The following MST1R variants were observed in gnomAD, a reference collection of about 807,000 sequenced individuals.
MST1R encodes the protein macrophage stimulating 1 receptor.
Under a neutral mutation model 117.8 loss-of-function variants are expected in MST1R, and 99 were observed. The ratio of observed to expected loss-of-function variants is 0.84; its 90% confidence interval spans 0.71 to 0.99. The LOEUF (loss-of-function observed/expected upper bound fraction) is 0.99. Ranked by LOEUF, MST1R falls within the 50% of genes least tolerant of loss-of-function variation. The probability of loss-of-function intolerance (pLI) is 0.00; values close to 1 mark genes in which losing one functional copy is unlikely to be tolerated. For missense variants in MST1R, 1,683 were observed against 1,840.2 expected, an observed-to-expected ratio of 0.91 and a Z score of 1.56; for synonymous variants, 734 against 765.3, an observed-to-expected ratio of 0.96 and a Z score of 0.68.
intron 19 of MST1R, among the ~76,000 whole-genome samples, chr3:49,888,543 A>G (rs2082228207): frequency 6.6e-6 from 1 of 151,510 alleles, no homozygotes; most frequent in Non-Finnish European, 1.5e-5. Context: ...CAGAGGTTGC[A>G]GTGAGCCAAC....
Position 49,903,800 on chromosome 3 carries a change from C to T in MST1R, c.-191G>A, listed in dbSNP as rs950923221. On this transcript the variant is annotated 5_prime_UTR_variant, in exon 1 of 20. Coordinates refer to ENST00000296474, the MANE Select transcript of MST1R (RefSeq NM_002447.4). ...TCCCTTCCCGGCCCTCGGGTCTGAG[C>T]ACCTGACGCCTGCGGACGCACGACA... 14 of 713,510 alleles carry T rather than the reference C, an allele frequency of 2.0e-5. No individual in the cohort carries two copies. The East Asian group carries it at 2.6e-4, about 13-fold the overall frequency. 44.2% of individuals were successfully genotyped at this position (713,510 alleles called of 1,614,324 possible). A position where few individuals can be genotyped will look rare whatever the true frequency, so the allele number is the denominator to read the frequency against.
At position 49,897,624 on chromosome 3, in the gene MST1R, G is replaced by C; in HGVS notation, c.1942C>G (p.Gln648Glu). ...FECELEPLGT[Q>E]AVGPTNVSLT... ...CTGACGTTGGTAGGCCCCACTGCCT[G>C]GGTGCCCAAGGGCTCCAGTTCACAC... Residue 648 changes from glutamine to glutamate, a missense_variant, in exon 6 of 20, where the codon CAG becomes GAG. Coordinates refer to ENST00000296474, the MANE Select transcript of MST1R (RefSeq NM_002447.4). 2.5e-6 allele frequency: 4 copies of C among 1,614,152 alleles called. No homozygotes were observed. The East Asian group carries it at 8.9e-5, about 36-fold the overall frequency.
chr3:49,892,399 C>T (rs932270749), intron 14 of MST1R, among the ~76,000 whole-genome samples: 2 of 151,808 alleles, frequency 1.3e-5, no homozygotes, highest in African/African-American at 4.8e-5. Context: ...GGTGAAACCC[C>T]ATCTCTAGTC....
At chr3:49,890,210 T>G (rs1437132271) in intron 18 of MST1R, 150 bp from the exon 19 acceptor site, 1 of 1,079,892 alleles carries the variant, frequency 9.3e-7, no homozygotes, top group Non-Finnish European at 1.3e-6. Flanking sequence ...ATCACCTGTG[T>G]CTTTCCTCTG....
chr3:49,898,673 T>G lies in MST1R; in HGVS notation c.1564A>C (p.Ile522Leu), dbSNP rs761331828. The change falls in exon 4 of 20, where the codon ATC becomes CTC. Residue 522 changes from isoleucine to leucine, a missense_variant. Coordinates refer to ENST00000296474, the MANE Select transcript of MST1R (RefSeq NM_002447.4). ...ASGDQVFQVP[I>L]QGPGCRHFLT... The stretch of plus-strand genomic sequence containing the variant: ...AAGTGGCGGCAGCCAGGGCCTTGGA[T>G]AGGTACCTGGAAAACCTGTGGGTGA... 5 of 1,613,954 alleles carry G rather than the reference T, an allele frequency of 3.1e-6. No homozygotes were observed. In the African/African-American group the frequency reaches 4.0e-5, roughly 13 times the overall value.
intron 7 of MST1R, 47 bp downstream of exon 7, chr3:49,897,233 C>G: frequency 6.4e-7 from 1 of 1,554,400 alleles, no homozygotes; most frequent in African/African-American, 1.4e-5. Context: ...CGGGTCCCCA[C>G]CTGGATAGAA....
At chr3:49,890,118 T>C in intron 18 of MST1R, 58 bp from the exon 19 acceptor site, 4 of 1,537,020 alleles carry the variant, frequency 2.6e-6, no homozygotes, top group Middle Eastern at 2.0e-4. Context: ...GGCAGGTGGG[T>C]CCCCCAGGGC....
chr3:49,891,794 G>A lies in MST1R; in HGVS notation c.3316C>T (p.Gln1106Ter). Residue 1106 changes from glutamine (Q) to a stop codon, truncating the protein, a stop_gained, in exon 15 of 20, where the codon CAG (glutamine) becomes TAG (stop). Coordinates refer to ENST00000296474, the MANE Select transcript of MST1R (RefSeq NM_002447.4). LOFTEE classifies it high-confidence loss of function. ...VYHGEYIDQA[Q>*]NRIQCAIKSL... ...TTGATGGCACATTGGATTCGATTCT[G>A]GGCCTGGTCTATGTATTCTCCGTGG... 8.7e-6 allele frequency: 14 copies of A among 1,614,048 alleles called. No individual in the cohort carries two copies. The highest frequency in any genetic ancestry group is 2.2e-5 in the South Asian group (2 of 91,062).
In MST1R at chr3:49,889,943, C is replaced by G. The variant is rs561814812; in HGVS notation, c.3928G>C (p.Glu1310Gln). ...LAQGRRLPQP[E>Q]YCPDSLYQVM... ...ACTCACAGAGAATCAGGGCAATACT[C>G]AGGCTGGGGCAGGCGCCGACCCTGG... Residue 1310 changes from glutamate (E) to glutamine (Q), a missense_variant, in exon 19 of 20, where the codon GAG becomes CAG. Glu to Gln is a conservative substitution (Grantham distance 29, BLOSUM62 2). Coordinates refer to ENST00000296474, the MANE Select transcript of MST1R (RefSeq NM_002447.4). 6.2e-7 allele frequency: 1 copy of G among 1,614,062 alleles called. No individual in the cohort carries two copies. The highest frequency in any genetic ancestry group is 1.7e-5 in the Admixed American group (1 of 60,006).
rs760210231 is a variant in MST1R, at chr3:49,902,404, C to G, written c.1206G>C (p.Gln402His). The stretch of plus-strand genomic sequence containing the variant: ...CCGGGTTGGGGCAAAAACTGGGCGA[C>G]TGGAAGAAGTCGAGGCCTCGCCGGA... ...PGLRRGLDFF[Q>H]SPSFCPNPPG... The change falls in exon 1 of 20, where the codon CAG (glutamine) becomes CAC (histidine). Residue 402 changes from glutamine (Q) to histidine (H), a missense_variant. Transcript: ENST00000296474. 1 of 1,613,840 alleles carries G rather than the reference C, an allele frequency of 6.2e-7. No homozygotes were observed. The highest frequency in any genetic ancestry group is 2.2e-5 in the East Asian group (1 of 44,888).
intron 9 of MST1R, 21 bp downstream of exon 9, chr3:49,896,519 T>G: frequency 6.2e-7 from 1 of 1,613,602 alleles, no homozygotes; most frequent in Non-Finnish European, 8.5e-7. Flanking sequence ...CCTTCCTCCC[T>G]CCTGGCCAGC....
At chr3:49,901,048 C>T (rs766080222) in intron 1 of MST1R, among the ~76,000 whole-genome samples, 1 of 152,304 alleles carries the variant, frequency 6.6e-6, no homozygotes, top group Non-Finnish European at 1.5e-5. Flanking sequence ...ACTGCCCAGC[C>T]GTGCTGGGTG....
intron 14 of MST1R, among the ~76,000 whole-genome samples, chr3:49,893,647 C>G (rs569626103): frequency 1.3e-5 from 2 of 151,092 alleles, no homozygotes; most frequent in African/African-American, 4.9e-5. Flanking sequence ...CACCTGTAAT[C>G]CCAGCACTTT....
Position 49,903,701 on chromosome 3 carries a change from G to T in MST1R, c.-92C>A. The T allele has an allele frequency of 6.8e-7, 1 of 1,480,476 alleles. No individual in the cohort carries two copies. The highest frequency in any genetic ancestry group is 8.9e-7 in the Non-Finnish European group (1 of 1,119,650). 91.7% of individuals were successfully genotyped at this position (1,480,476 alleles called of 1,614,324 possible). Reference sequence around the variant, plus strand: ...GGGGGCCCGACTCGAGGTCTGGACTGGGCCAAATTTAAGCAGCGGTCCCGA... The same window carrying T: ...GGGGGCCCGACTCGAGGTCTGGACTTGGCCAAATTTAAGCAGCGGTCCCGA... On this transcript the variant is annotated 5_prime_UTR_variant, in exon 1 of 20. Transcript: ENST00000296474.
intron 14 of MST1R, among the ~76,000 whole-genome samples, chr3:49,892,260 G>A (rs1482804609): frequency 1.3e-5 from 2 of 149,088 alleles, no homozygotes; most frequent in Non-Finnish European, 3.0e-5. Context: ...CACCACACCC[G>A]GCCCAATCTG....
intron 12 of MST1R, 45 bp from the exon 13 acceptor site, chr3:49,895,593 G>C: frequency 6.2e-7 from 1 of 1,612,634 alleles, no homozygotes; most frequent in Middle Eastern, 1.7e-4. Flanking sequence ...CAAGCTCCTA[G>C]GGGCCGACCC....
chr3:49,889,994 G>A lies in MST1R; in HGVS notation c.3877C>T (p.Pro1293Ser). ...RGAPPYRHID[P>S]FDLTHFLAQG... is the part of the protein sequence containing the mutation. ...GCCAGGAAGTGGGTAAGGTCAAAAG[G>A]GTCAATGTGGCGGTATGGTGGGGCA... The change falls in exon 19 of 20, where the codon CCT (proline) becomes TCT (serine). Residue 1293 changes from proline (P) to serine (S), a missense_variant. By Grantham distance (74) the Pro-to-Ser change is moderately conservative (BLOSUM62 -1). Coordinates refer to ENST00000296474, the MANE Select transcript of MST1R (RefSeq NM_002447.4). 6.2e-7 allele frequency: 1 copy of A among 1,614,048 alleles called. No homozygotes were observed.
Position 49,890,661 on chromosome 3 carries a change from G to T in MST1R, c.3645-11C>A, listed in dbSNP as rs369427401. ...AATGACTCGTCCAGCCTTAGGGGTA[G>T]GGAGAGGATCACACTTAGGACTGGC... On this transcript the variant is annotated splice_polypyrimidine_tract_variant and intron_variant, in intron 17 of 19. Transcript: ENST00000296474. 4.4e-6 allele frequency: 7 copies of T among 1,605,436 alleles called. No individual in the cohort carries two copies. The South Asian group carries it at 5.6e-5, about 13-fold the overall frequency.
chr3:49,892,354 C>T (rs1359943404), intron 14 of MST1R, among the ~76,000 whole-genome samples: 1 of 151,512 alleles, frequency 6.6e-6, no homozygotes, highest in Non-Finnish European at 1.5e-5. Context: ...GGGTGGATCA[C>T]GAGGTCAGGA....
Sources: allele counts gnomAD v4.1 joint callset (sites outside exome capture counted in the v4.1 genomes callset), GRCh38; gene constraint gnomAD v4.1.1; transcripts MANE v1.5; gene names NCBI Gene and HGNC (gene_info 2026-07-23, HGNC 2026-07-21).